The following CBLN2 variants were observed in gnomAD, a reference collection of about 807,000 sequenced individuals.
The protein encoded by CBLN2 is cerebellin 2 precursor, also known as cerebellin-2.
A neutral mutation model predicts 15.0 loss-of-function variants in CBLN2; 7 were observed. The ratio of observed to expected loss-of-function variants is 0.47; its 90% CI spans 0.27 to 0.88. The LOEUF is 0.88. Among genes scored for constraint, CBLN2 ranks in the 40% least tolerant of loss-of-function variants. CBLN2 has a pLI of 0.14. For missense variants in CBLN2, 242 were observed against 304.5 expected (o/e 0.79, Z 1.53); for synonymous variants, 149 against 135.2 (o/e 1.10, Z -0.71).
At position 72,600,613 on chromosome 18, in the gene CBLN2, C is replaced by A. The variant is rs529527794; in HGVS notation, c.15+37712G>T. On this transcript the variant is annotated intron_variant, in intron 1 of 2. Transcript: ENST00000581073. ...GATATGGAAGGAAAAGGTGTAATTG[C>A]CTGATGGGGTCTTCCTACCCACTAC... Among the ~76,000 whole-genome samples, 8 of 152,164 alleles carry A rather than the reference C, an allele frequency of 5.3e-5. No individual in the cohort carries two copies. In the South Asian group the frequency reaches 1.7e-3, roughly 32 times the overall value.
intron 1 of CBLN2, among the ~76,000 whole-genome samples, chr18:72,623,373 C>T (rs2069713855): frequency 2.6e-5 from 4 of 152,176 alleles, no homozygotes; most frequent in Non-Finnish European, 5.9e-5. Context: ...TTACCTTTCC[C>T]AAACTGACAA....
rs4416112 is a variant in CBLN2, at chr18:72,543,393, T to C, written c.-167+93A>G. ...ATTTCCCTTCTCTCTCTCCACCTCC[T>C]CCACCCCTCGATCTGGACCAGGGAG... On this transcript the variant is annotated intron_variant, in intron 2 of 4. Coordinates refer to ENST00000269503, the MANE Select transcript of CBLN2 (RefSeq NM_182511.4). The surrounding 1 kb of genome is among the most constrained non-coding windows in gnomAD (Gnocchi z 6.8). The C allele has an allele frequency of 0.9, 359,008 of 397,386 alleles. 167,700 individuals are homozygous for C. Among genetic ancestry groups the C allele is most frequent in the Non-Finnish European group, 0.98 (220,288 of 225,526 alleles). The allele number at this position is 397,386 out of a possible 1,614,324, so 24.6% of individuals were successfully genotyped here. A position where few individuals can be genotyped will look rare whatever the true frequency, so the allele number is the denominator to read the frequency against.
At chr18:72,638,018 G>T (rs1473199031) in intron 1 of CBLN2, among the ~76,000 whole-genome samples, 1 of 152,178 alleles carries the variant, frequency 6.6e-6, no homozygotes, top group Non-Finnish European at 1.5e-5. Flanking sequence ...TGGTAGGAAA[G>T]CTTGGAGGGG....
At chr18:72,568,072 C>T (rs532733434) in intron 1 of CBLN2, among the ~76,000 whole-genome samples, 10 of 152,028 alleles carry the variant, frequency 6.6e-5, no homozygotes, top group Middle Eastern at 3.2e-3. Context: ...CTTTTTATTT[C>T]GTTTCAGTAC....
At chr18:72,629,992 C>A (rs1447123220) in intron 1 of CBLN2, among the ~76,000 whole-genome samples, 1 of 152,132 alleles carries the variant, frequency 6.6e-6, no homozygotes, top group Non-Finnish European at 1.5e-5. Context: ...ATAAAATTAG[C>A]AGCTAAATTG....
intron 1 of CBLN2, chr18:72,618,809 C>G: frequency 1.3e-6 from 1 of 741,304 alleles, no homozygotes; most frequent in Non-Finnish European, 2.4e-6. Context: ...AAAGCCCTGT[C>G]AAAGCAAGAG....
intron 1 of CBLN2, among the ~76,000 whole-genome samples, chr18:72,615,542 G>T (rs148383199): frequency 1.4e-4 from 21 of 152,090 alleles, no homozygotes; most frequent in Admixed American, 5.2e-4. Context: ...TTCCCAAAGT[G>T]CTGGGATTGC....
chr18:72,582,350 C>T (rs1023594465), intron 1 of CBLN2, among the ~76,000 whole-genome samples: 1 of 152,150 alleles, frequency 6.6e-6, no homozygotes, highest in Non-Finnish European at 1.5e-5. Context: ...CATCCGGGAA[C>T]AGTATGGAGT....
At chr18:72,614,535 G>A (rs566746274) in intron 1 of CBLN2, among the ~76,000 whole-genome samples, 2 of 152,218 alleles carry the variant, frequency 1.3e-5, no homozygotes, top group African/African-American at 4.8e-5. Context: ...ATTGGATTTG[G>A]TGGTTTGAGA....
intron 1 of CBLN2, among the ~76,000 whole-genome samples, chr18:72,562,797 G>A (rs2069270282): frequency 6.6e-6 from 1 of 152,166 alleles, no homozygotes; most frequent in African/African-American, 2.4e-5. Context: ...GATTCACGGG[G>A]TTTTTAGAAG....
Position 72,538,623 on chromosome 18 carries a change from C to T in CBLN2, c.477+30G>A, listed in dbSNP as rs201620299. 143 of 1,612,492 alleles carry T rather than the reference C, an allele frequency of 8.9e-5. 1 individual carries two copies. The East Asian group carries it at 2.8e-3, about 32-fold the overall frequency. On this transcript the variant is annotated intron_variant, in intron 4 of 4. Transcript: ENST00000269503. ...GCAATGGGGAACTATTAACTCAAAC[C>T]TGAAAGGATCCAGTTTCAAATCTAC...
intron 1 of CBLN2, among the ~76,000 whole-genome samples, chr18:72,615,084 AATAT>A (rs1331518779): frequency 1.5e-5 from 2 of 137,396 alleles, no homozygotes; most frequent in African/African-American, 5.4e-5. Context: ...TATTATAGAA[AATAT>A]ATATAAATAT....
chr18:72,572,380 C>A (rs1256849964), intron 1 of CBLN2, among the ~76,000 whole-genome samples: 1 of 152,026 alleles, frequency 6.6e-6, no homozygotes, highest in Non-Finnish European at 1.5e-5. Flanking sequence ...TCTGTAGCAA[C>A]AGATGACTAG....
intron 1 of CBLN2, among the ~76,000 whole-genome samples, chr18:72,572,296 A>G (rs1463090760): frequency 6.6e-6 from 1 of 152,172 alleles, no homozygotes; most frequent in Admixed American, 6.6e-5. Context: ...TTATGCAAAA[A>G]CATGAATCAA....
intron 1 of CBLN2, among the ~76,000 whole-genome samples, chr18:72,595,536 A>G (rs1179319683): frequency 6.6e-6 from 1 of 152,160 alleles, no homozygotes; most frequent in Non-Finnish European, 1.5e-5. Flanking sequence ...TATTAGGTCC[A>G]TTAGATCTAT....
chr18:72,546,297 C>T (rs1285521903), upstream of CBLN2, among the ~76,000 whole-genome samples: 2 of 152,080 alleles, frequency 1.3e-5, no homozygotes, highest in East Asian at 1.9e-4. Context: ...ATTAGCCGGG[C>T]GTGGTGGCGG....
intron 1 of CBLN2, among the ~76,000 whole-genome samples, chr18:72,582,463 C>A (rs1464591362): frequency 2.6e-5 from 4 of 152,086 alleles, no homozygotes; most frequent in Non-Finnish European, 5.9e-5. Flanking sequence ...GGCACACTTG[C>A]CATAAAACTT....
chr18:72,543,625 G>A lies in CBLN2; in HGVS notation c.-211-95C>T, dbSNP rs1229967098. On this transcript the variant is annotated intron_variant, in intron 1 of 4. Transcript: ENST00000269503. The surrounding 1 kb of genome is among the most constrained non-coding windows in gnomAD (Gnocchi z 6.8). ...GCGTGGCCAATAACCGCGCCGCCCC[G>A]CCCTGCCGCTTTCCCGCGCCAGCCT... is the stretch of plus-strand genomic sequence containing the variant. 2 of 388,466 alleles carry A rather than the reference G, an allele frequency of 5.1e-6. No individual in the cohort carries two copies. The highest frequency in any genetic ancestry group is 4.5e-5 in the Admixed American group (1 of 22,332). 24.1% of individuals were successfully genotyped at this position (388,466 alleles called of 1,614,324 possible). A position where few individuals can be genotyped will look rare whatever the true frequency, so the allele number is the denominator to read the frequency against.
chr18:72,620,227 G>C (rs2069691052), intron 1 of CBLN2: 1 of 152,368 alleles, frequency 6.6e-6, no homozygotes, highest in African/African-American at 2.4e-5. Context: ...TTCCACTACT[G>C]AGGGCAAAGG....
Sources: gnomAD v4.1 joint callset for allele counts (sites outside exome capture counted in the v4.1 genomes callset) on GRCh38, gnomAD v4.1.1 for gene constraint, Gnocchi (gnomAD v3.1) non-coding constraint, MANE v1.5 for transcripts, NCBI Gene and HGNC (gene_info 2026-07-23, HGNC 2026-07-21) for gene names.